The following DLG2 variants were observed in gnomAD, a reference collection of about 807,000 sequenced individuals.
DLG2 encodes discs large MAGUK scaffold protein 2.
In DLG2, 45 loss-of-function variants were observed where a neutral mutation model predicts 132.5. That is an observed-to-expected ratio of 0.34 (90% confidence interval 0.27 to 0.44). The LOEUF is 0.44. Among genes scored for constraint, DLG2 ranks in the 20% least tolerant of loss-of-function variants. DLG2 has a pLI of 1.00. For synonymous variants in DLG2, 424 were observed against 419.6 expected, an observed-to-expected ratio of 1.01 and a Z score of -0.13; for missense variants, 1,045 against 1,196.9, an observed-to-expected ratio of 0.87 and a Z score of 1.87.
At chr11:83,935,368 A>G (rs985613379) in intron 14 of DLG2, among the ~76,000 whole-genome samples, 3 of 152,222 alleles carry the variant, frequency 2.0e-5, no homozygotes, top group Admixed American at 6.5e-5. Flanking sequence ...GGGAAGCCCT[A>G]AAAGTAATTA....
At chr11:84,663,234 T>A (rs998694323) in intron 6 of DLG2, among the ~76,000 whole-genome samples, 3 of 63,744 alleles carry the variant, frequency 4.7e-5, no homozygotes, top group Non-Finnish European at 9.0e-5. Flanking sequence ...ACAGGTTATA[T>A]ATATATATAT....
At chr11:85,263,448 T>C (rs900494596) in intron 4 of DLG2, among the ~76,000 whole-genome samples, 4 of 152,156 alleles carry the variant, frequency 2.6e-5, no homozygotes, top group African/African-American at 9.7e-5. Context: ...GTGCCACACA[T>C]AGGGATTGAG....
chr11:84,377,133 A>G (rs2098732559), intron 7 of DLG2, among the ~76,000 whole-genome samples: 1 of 152,120 alleles, frequency 6.6e-6, no homozygotes, highest in South Asian at 2.1e-4. Context: ...CCATCTGTGA[A>G]GTATCCATGC....
intron 8 of DLG2, among the ~76,000 whole-genome samples, chr11:84,210,544 A>G (rs72953595): frequency 1.4e-4 from 21 of 147,796 alleles, no homozygotes; most frequent in East Asian, 2.0e-4. Flanking sequence ...AAAAAAAAAA[A>G]AAGAATCTTC....
intron 7 of DLG2, among the ~76,000 whole-genome samples, chr11:84,319,911 C>A (rs1435220152): frequency 2.0e-5 from 3 of 152,156 alleles, no homozygotes; most frequent in African/African-American, 7.2e-5. Flanking sequence ...CTTTCCCTCC[C>A]CACAAACAAG....
intron 6 of DLG2, among the ~76,000 whole-genome samples, chr11:84,844,220 T>C (rs1011017531): frequency 1.4e-5 from 2 of 146,556 alleles, no homozygotes; most frequent in African/African-American, 5.0e-5. Flanking sequence ...ATGGTGGTAG[T>C]GCCCAAAATG....
chr11:83,549,570 T>G (rs1311002933), intron 19 of DLG2, among the ~76,000 whole-genome samples: 1 of 152,174 alleles, frequency 6.6e-6, no homozygotes, highest in Non-Finnish European at 1.5e-5. Context: ...AAGGATGGTG[T>G]TTTTACAAAT....
rs143751873 is a variant in DLG2 at position 85,136,918 on chromosome 11, T to G, written c.282+17638A>C. Among the ~76,000 whole-genome samples the G allele has an allele frequency of 9.4e-4, 143 of 152,274 alleles. 2 individuals carry two copies. The East Asian group carries it at 0.025, about 26-fold the overall frequency. On this transcript the variant is annotated intron_variant, in intron 5 of 27. Coordinates refer to ENST00000376104, the MANE Select transcript of DLG2 (RefSeq NM_001142699.3). ...TCACAGCTCTAGTTATGCTATTTTTTGATAGTTTTTAAAAAATCTATTTAA... is the reference window on the plus strand; with the variant it reads ...TCACAGCTCTAGTTATGCTATTTTTGGATAGTTTTTAAAAAATCTATTTAA...
chr11:83,827,138 T>C (rs1056145998), intron 17 of DLG2, among the ~76,000 whole-genome samples: 1 of 152,076 alleles, frequency 6.6e-6, no homozygotes, highest in African/African-American at 2.4e-5. Context: ...GTCTGGCGGC[T>C]CATATGAGGA....
chr11:85,597,884 TTTAG>T (rs765924328), intron 3 of DLG2, among the ~76,000 whole-genome samples: 25 of 150,074 alleles, frequency 1.7e-4, no homozygotes, highest in East Asian at 7.7e-4. Context: ...TTTTTCATTG[TTTAG>T]TTAGTTGGTT....
chr11:84,108,282 T>C (rs2093106901), intron 9 of DLG2, among the ~76,000 whole-genome samples: 1 of 152,030 alleles, frequency 6.6e-6, no homozygotes. Context: ...GTGAGTATAG[T>C]AAAGGTCAAG....
intron 6 of DLG2, among the ~76,000 whole-genome samples, chr11:84,610,738 G>A (rs532365431): frequency 1.4e-4 from 21 of 152,144 alleles, no homozygotes; most frequent in Non-Finnish European, 3.1e-4. Context: ...TCTTTTCTGG[G>A]AGAGGTGACC....
intron 18 of DLG2, among the ~76,000 whole-genome samples, chr11:83,663,629 C>A (rs975152012): frequency 3.3e-5 from 5 of 152,162 alleles, no homozygotes; most frequent in Admixed American, 3.3e-4. Flanking sequence ...TGGTTTTGTT[C>A]CGCCAGACAT....
At chr11:84,620,491 G>A (rs1423418727) in intron 6 of DLG2, among the ~76,000 whole-genome samples, 2 of 151,700 alleles carry the variant, frequency 1.3e-5, no homozygotes, top group African/African-American at 4.8e-5. Context: ...GATGAATAGT[G>A]GATAGTATCC....
chr11:84,697,597 C>T (rs1397778592), intron 6 of DLG2, among the ~76,000 whole-genome samples: 1 of 151,384 alleles, frequency 6.6e-6, no homozygotes, highest in African/African-American at 2.4e-5. Context: ...CGAAGTGTAC[C>T]AGGCCTTTTC....
At chr11:84,526,763 T>C (rs2099321759) in intron 7 of DLG2, among the ~76,000 whole-genome samples, 1 of 150,690 alleles carries the variant, frequency 6.6e-6, no homozygotes, top group Non-Finnish European at 1.5e-5. Flanking sequence ...GTTTCATGCA[T>C]CCACTGGGGG....
intron 3 of DLG2, among the ~76,000 whole-genome samples, chr11:85,421,184 G>A (rs936078924): frequency 3.3e-5 from 5 of 151,968 alleles, no homozygotes; most frequent in Non-Finnish European, 7.4e-5. Flanking sequence ...ATTCCTCATG[G>A]CACAGTTCCT....
intron 18 of DLG2, among the ~76,000 whole-genome samples, chr11:83,775,550 C>T (rs1293727603): frequency 6.6e-6 from 1 of 152,138 alleles, no homozygotes; most frequent in African/African-American, 2.4e-5. Flanking sequence ...GGTGTCAGGC[C>T]TGTAGTGAGT....
At chr11:83,728,269 T>C (rs1008055744) in intron 18 of DLG2, among the ~76,000 whole-genome samples, 1 of 152,144 alleles carries the variant, frequency 6.6e-6, no homozygotes, top group Admixed American at 6.6e-5. Flanking sequence ...CATTGCTGAC[T>C]CCCCATCAAC....
Sources: allele counts gnomAD v4.1 joint callset (sites outside exome capture counted in the v4.1 genomes callset), GRCh38; gene constraint gnomAD v4.1.1; transcripts MANE v1.5; gene names NCBI Gene and HGNC (gene_info 2026-07-23, HGNC 2026-07-21).